Variants in DCHS2 observed in about 807,000 individuals in gnomAD.
DCHS2 encodes the protein protocadherin-23.
In DCHS2, 142 loss-of-function variants were observed where a neutral mutation model predicts 182.4. The ratio of observed to expected loss-of-function variants is 0.78; its 90% confidence interval spans 0.68 to 0.89. The LOEUF (loss-of-function observed/expected upper bound fraction) is 0.89. Among genes scored for constraint, DCHS2 ranks in the 40% least tolerant of loss-of-function variants. DCHS2 has a pLI of 0.00. For synonymous variants in DCHS2, 1,740 were observed against 1,663.3 expected (o/e 1.05, Z -1.12); for missense variants, 4,319 against 4,198.6 (o/e 1.03, Z -0.79).
chr4:154,304,576 G>A (rs1735359796), intron 12 of DCHS2, 93 bp downstream of exon 12: 2 of 1,146,820 alleles, frequency 1.7e-6, no homozygotes, highest in Non-Finnish European at 2.4e-6. Flanking sequence ...AAGTTGCAGT[G>A]AGCCATCGCG....
At chr4:154,283,947 G>T (rs77610560) in intron 13 of DCHS2, among the ~76,000 whole-genome samples, 1 of 152,108 alleles carries the variant, frequency 6.6e-6, no homozygotes, top group African/African-American at 2.4e-5. Flanking sequence ...TCCAGAGCCT[G>T]CATGTGTTCA....
At chr4:154,354,467 T>C (rs1367398560) in intron 3 of DCHS2, among the ~76,000 whole-genome samples, 1 of 152,240 alleles carries the variant, frequency 6.6e-6, no homozygotes, top group East Asian at 1.9e-4. Context: ...ATCCAATTCA[T>C]TACAACTCAT....
At chr4:154,272,106 T>C (rs1397542923) in intron 13 of DCHS2, 2 of 152,172 alleles carry the variant, frequency 1.3e-5, no homozygotes, top group Non-Finnish European at 2.9e-5. Flanking sequence ...ATTCATACAA[T>C]TGTTATTGCA....
intron 1 of DCHS2, among the ~76,000 whole-genome samples, chr4:154,458,038 A>G (rs1045941004): frequency 6.6e-6 from 1 of 152,230 alleles, no homozygotes; most frequent in Admixed American, 6.5e-5. Flanking sequence ...GTTCAGATAT[A>G]GAAATAAATG....
intron 3 of DCHS2, among the ~76,000 whole-genome samples, chr4:154,356,513 T>C (rs1478515575): frequency 6.6e-6 from 1 of 152,212 alleles, no homozygotes; most frequent in Non-Finnish European, 1.5e-5. Flanking sequence ...CACCACTCAC[T>C]GTCTCACCCA....
intron 1 of DCHS2, among the ~76,000 whole-genome samples, chr4:154,414,134 A>C (rs1235014394): frequency 6.6e-6 from 1 of 151,900 alleles, no homozygotes; most frequent in Non-Finnish European, 1.5e-5. Flanking sequence ...ATAGAGGGCA[A>C]ACAGTCAATA....
intron 1 of DCHS2, among the ~76,000 whole-genome samples, chr4:154,429,443 T>G (rs563374296): frequency 6.6e-6 from 1 of 152,294 alleles, no homozygotes; most frequent in Admixed American, 6.5e-5. Flanking sequence ...GCAGATAGAC[T>G]GCAGACAGGT....
chr4:154,285,351 G>A (rs1007572080), intron 13 of DCHS2, among the ~76,000 whole-genome samples: 3 of 152,022 alleles, frequency 2.0e-5, no homozygotes, highest in Non-Finnish European at 4.4e-5. Context: ...GAAAAAGAGA[G>A]GGAAGGGGAA....
chr4:154,409,200 A>G (rs1379062043), intron 1 of DCHS2, among the ~76,000 whole-genome samples: 1 of 152,072 alleles, frequency 6.6e-6, no homozygotes, highest in Admixed American at 6.5e-5. Context: ...GAGTCCAGGG[A>G]GTGGAGTCAT....
Position 154,320,820 on chromosome 4 carries a change from T to A in DCHS2, c.4579A>T (p.Thr1527Ser). ...TTGGCATTGAAGACATACACCAGGG[T>A]TCCTATGGGAACATTCTCCTCTACA... ...ISVEENVPIG[T>S]LVYVFNAKDD... Residue 1527 changes from threonine (T) to serine (S), a missense_variant, in exon 9 of 20, where the codon ACC (threonine) becomes TCC (serine). Transcript: ENST00000357232. 3.1e-6 allele frequency: 5 copies of A among 1,613,856 alleles called. No individual in the cohort carries two copies. Among genetic ancestry groups the A allele is most frequent in the Non-Finnish European group, 4.2e-6 (5 of 1,179,920 alleles).
chr4:154,426,897 A>G (rs4696570), intron 1 of DCHS2, among the ~76,000 whole-genome samples: 121,851 of 152,144 alleles, frequency 0.8, 52,427 homozygotes, highest in Non-Finnish European at 0.95. Context: ...TGATTATTAT[A>G]CATTGTATGA....
rs183889087 is a variant in DCHS2, at chr4:154,333,437, G to A, written c.2771C>T (p.Ser924Phe). The A allele has an allele frequency of 1.2e-4, 193 of 1,614,026 alleles. No homozygotes were observed. In the East Asian group the frequency reaches 4.1e-3, roughly 34 times the overall value. ...ISSGDLGGKF[S>F]IHPRLGTIRT... ...AATAGTGCCCAGCCGCGGGTGAATG[G>A]AGAACTTTCCGCCGAGATCACCAGA... is the stretch of plus-strand genomic sequence containing the variant. The change falls in exon 5 of 20, where the codon TCC becomes TTC. Residue 924 changes from serine to phenylalanine, a missense_variant. Ser to Phe is a radical substitution (Grantham distance 155). Transcript: ENST00000357232.
chr4:154,391,571 A>G (rs548684226), intron 1 of DCHS2, among the ~76,000 whole-genome samples: 1 of 152,250 alleles, frequency 6.6e-6, no homozygotes. Flanking sequence ...AATGGCAACA[A>G]AAGTCCAGGC....
At chr4:154,303,580 G>A (rs1179204854) in intron 12 of DCHS2, among the ~76,000 whole-genome samples, 1 of 150,900 alleles carries the variant, frequency 6.6e-6, no homozygotes, top group Non-Finnish European at 1.5e-5. Context: ...TGAGGCTGAT[G>A]TGTCATTTTG....
intron 1 of DCHS2, among the ~76,000 whole-genome samples, chr4:154,462,341 C>G (rs565947992): frequency 2.0e-5 from 3 of 152,250 alleles, no homozygotes; most frequent in African/African-American, 7.2e-5. Context: ...CAAAGGACTA[C>G]GAACAATCAC....
In DCHS2 at chr4:154,320,493, A is replaced by T; in HGVS notation, c.4906T>A (p.Ser1636Thr). The T allele has an allele frequency of 6.2e-7, 1 of 1,614,108 alleles. No individual in the cohort carries two copies. Among genetic ancestry groups the T allele is most frequent in the South Asian group, 1.1e-5 (1 of 91,078 alleles). ...TGAGCAGTTATGTGGTGGACCAAGG[A>T]GCCCACTGTGACATCCTCTTTGACA... The part of the protein sequence containing the change: ...AHVKEDVTVG[S>T]LVHHITAHDP... The change falls in exon 9 of 20, where the codon TCC becomes ACC. Residue 1636 changes from serine to threonine, a missense_variant. Ser to Thr is a moderately conservative substitution (Grantham distance 58, BLOSUM62 1). Coordinates refer to ENST00000357232, the MANE Select transcript of DCHS2 (RefSeq NM_001358235.2).
Position 154,490,622 on chromosome 4 carries a change from G to T in DCHS2, c.734C>A (p.Pro245His), listed in dbSNP as rs1456969260. The T allele has an allele frequency of 1.3e-6, 2 of 1,550,008 alleles. No homozygotes were observed. Among genetic ancestry groups the T allele is most frequent in the Non-Finnish European group, 1.7e-6 (2 of 1,146,854 alleles). The change falls in exon 1 of 20, where the codon CCT (proline) becomes CAT (histidine). Residue 245 changes from proline (P) to histidine (H), a missense_variant. Pro to His is a moderately conservative substitution (Grantham distance 77). Coordinates refer to ENST00000357232, the MANE Select transcript of DCHS2 (RefSeq NM_001358235.2). ...LLPGSSSPLE[P>H]LDLVLLRRLD... ...GCGCCGCAGCAGCACCAGATCTAGA[G>T]GCTCCAGGGGTGACGAGGAGCCTGG... is the stretch of plus-strand genomic sequence containing the variant.
intron 1 of DCHS2, among the ~76,000 whole-genome samples, chr4:154,435,721 A>C (rs978388321): frequency 6.6e-6 from 1 of 152,196 alleles, no homozygotes; most frequent in Non-Finnish European, 1.5e-5. Context: ...AAATAATCCA[A>C]ATTGTACCTA....
At chr4:154,246,907 G>A (rs1732097352) in intron 16 of DCHS2, among the ~76,000 whole-genome samples, 1 of 151,902 alleles carries the variant, frequency 6.6e-6, no homozygotes, top group African/African-American at 2.4e-5. Flanking sequence ...ATTCATCTAG[G>A]CAATCCAATA....
Sources: allele counts gnomAD v4.1 joint callset (sites outside exome capture counted in the v4.1 genomes callset), GRCh38; gene constraint gnomAD v4.1.1; transcripts MANE v1.5; gene names NCBI Gene and HGNC (gene_info 2026-07-23, HGNC 2026-07-21).